EXOC4: variants seen among roughly 807,000 people sequenced by gnomAD.
EXOC4 encodes the protein exocyst complex component 4.
A neutral mutation model predicts 107.2 loss-of-function variants in EXOC4; 71 were observed. The ratio of observed to expected loss-of-function variants is 0.66; its 90% CI spans 0.55 to 0.81. EXOC4 has a LOEUF of 0.81. EXOC4 is among the 30% of genes least tolerant of loss of function. The pLI is 0.00. For synonymous variants in EXOC4, 456 were observed against 441.2 expected, an observed-to-expected ratio of 1.03 and a Z score of -0.42; for missense variants, 1,108 against 1,189.6, an observed-to-expected ratio of 0.93 and a Z score of 1.01.
At chr7:134,069,550 T>G (rs935033660), downstream of EXOC4, among the ~76,000 whole-genome samples, 2 of 152,078 alleles carry the variant, frequency 1.3e-5, no homozygotes, top group Non-Finnish European at 2.9e-5. Context: ...CCGGCTGGAG[T>G]GCATTGGCAC....
In EXOC4 at chr7:133,905,678, T is replaced by C. The variant is rs112066221; in HGVS notation, c.1871+9943T>C. The stretch of plus-strand genomic sequence containing the variant: ...GGGGATAAGGAGGCTCTCTGCCTTG[T>C]GTTGGGCCTGGCAGAGAATACAAAT... On this transcript the variant is annotated intron_variant, in intron 12 of 17. Transcript: ENST00000253861. Among the ~76,000 whole-genome samples, 369 of 152,304 alleles carry C rather than the reference T, an allele frequency of 2.4e-3. 1 individual carries two copies. Among genetic ancestry groups the C allele is most frequent in the South Asian group, 0.013 (63 of 4,822 alleles).
At chr7:133,652,328 C>G (rs529996119) in intron 10 of EXOC4, among the ~76,000 whole-genome samples, 2 of 152,176 alleles carry the variant, frequency 1.3e-5, no homozygotes, top group East Asian at 1.9e-4. Context: ...AAGTGAAATA[C>G]TGGTAAAATA....
chr7:133,835,434 G>A (rs139215484), intron 11 of EXOC4, among the ~76,000 whole-genome samples: 13 of 150,508 alleles, frequency 8.6e-5, no homozygotes, highest in East Asian at 1.9e-4. Flanking sequence ...GAAGTGGGAC[G>A]GGGCTTTGTG....
intron 3 of EXOC4, 88 bp from the exon 4 acceptor site, chr7:133,305,789 A>T: frequency 8.7e-7 from 1 of 1,154,016 alleles, no homozygotes; most frequent in Non-Finnish European, 1.2e-6. Flanking sequence ...TCCCTTTGTT[A>T]GTATCTTTTT....
At chr7:133,733,851 T>C (rs111642835) in intron 10 of EXOC4, among the ~76,000 whole-genome samples, 6 of 152,336 alleles carry the variant, frequency 3.9e-5, no homozygotes, top group African/African-American at 1.4e-4. Flanking sequence ...TCTATAGAAA[T>C]CTTAGGGTGA....
intron 1 of EXOC4, among the ~76,000 whole-genome samples, chr7:133,266,811 T>G (rs965574267): frequency 2.0e-5 from 3 of 152,202 alleles, no homozygotes; most frequent in African/African-American, 7.2e-5. Context: ...CTATATTAGG[T>G]CTTCCATGTT....
chr7:133,382,069 A>G (rs1796630994), intron 7 of EXOC4, among the ~76,000 whole-genome samples: 1 of 152,050 alleles, frequency 6.6e-6, no homozygotes, highest in Non-Finnish European at 1.5e-5. Context: ...GTGTGATGAG[A>G]TGAAGGAAGA....
At chr7:133,911,658 T>G (rs1311180847) in intron 12 of EXOC4, among the ~76,000 whole-genome samples, 1 of 152,182 alleles carries the variant, frequency 6.6e-6, no homozygotes, top group Non-Finnish European at 1.5e-5. Flanking sequence ...CTAACCTAAT[T>G]TTTTTATTTC....
intron 7 of EXOC4, among the ~76,000 whole-genome samples, chr7:133,445,946 G>T (rs566795994): frequency 2.0e-5 from 3 of 151,336 alleles, no homozygotes; most frequent in Non-Finnish European, 4.4e-5. Flanking sequence ...AGCCCAGAAG[G>T]TCGAGATTGT....
chr7:133,624,584 C>G (rs1310666090), intron 9 of EXOC4, among the ~76,000 whole-genome samples: 2 of 152,038 alleles, frequency 1.3e-5, no homozygotes. Context: ...CTGCATCTCT[C>G]TCTCTCTTTT....
rs1799117622 is a variant in EXOC4 at position 133,480,074 on chromosome 7, C to G, written c.1353C>G (p.Ile451Met). ...LFKFESSSHAISMSAYLREQR... is the reference protein window; with the variant it reads ...LFKFESSSHAMSMSAYLREQR... ...GGTTCGAATCGTCCTCCCATGCCAT[C>G]AGTATGAGCGCCTATCTGCGAGAAC... The change falls in exon 9 of 18, where the codon ATC (isoleucine) becomes ATG (methionine). Residue 451 changes from isoleucine to methionine, a missense_variant. Physicochemically the swap from Ile to Met is conservative, Grantham distance 10 (BLOSUM62 1). Transcript: ENST00000253861. 2 of 1,614,012 alleles carry G rather than the reference C, an allele frequency of 1.2e-6. No homozygotes were observed. The highest frequency in any genetic ancestry group is 2.7e-5 in the African/African-American group (2 of 75,052).
At chr7:133,605,785 G>A (rs1013600763) in intron 9 of EXOC4, among the ~76,000 whole-genome samples, 1 of 152,140 alleles carries the variant, frequency 6.6e-6, no homozygotes, top group African/African-American at 2.4e-5. Context: ...TTAGCATATA[G>A]ATGGTACTTA....
At chr7:133,519,472 T>C (rs1799942453) in intron 9 of EXOC4, among the ~76,000 whole-genome samples, 1 of 152,152 alleles carries the variant, frequency 6.6e-6, no homozygotes, top group Non-Finnish European at 1.5e-5. Context: ...GAAGACTATT[T>C]AATAAGAGAA....
At chr7:133,324,641 A>G (rs1054978035) in intron 5 of EXOC4, among the ~76,000 whole-genome samples, 1 of 152,146 alleles carries the variant, frequency 6.6e-6, no homozygotes, top group South Asian at 2.1e-4. Context: ...TATGGGGTCA[A>G]TTTTGGAATA....
chr7:134,072,671 A>AT, the EXOC4 span, among the ~76,000 whole-genome samples: 1 of 152,162 alleles, frequency 6.6e-6, no homozygotes, highest in Non-Finnish European at 1.5e-5. Context: ...AGGTGGTTTG[A>AT]TGTGGTTACA....
At chr7:134,003,445 A>T (rs1309199193) in intron 15 of EXOC4, among the ~76,000 whole-genome samples, 1 of 152,174 alleles carries the variant, frequency 6.6e-6, no homozygotes, top group Non-Finnish European at 1.5e-5. Flanking sequence ...TACTGTTTGT[A>T]AATTATTTCT....
At chr7:133,258,702 A>G (rs1795073131) in intron 1 of EXOC4, among the ~76,000 whole-genome samples, 1 of 152,168 alleles carries the variant, frequency 6.6e-6, no homozygotes, top group Non-Finnish European at 1.5e-5. Context: ...TTAATTTTCC[A>G]CCAGAAATAA....
At position 133,393,656 on chromosome 7, in the gene EXOC4, A is replaced by G. The variant is rs1796905256; in HGVS notation, c.1182+18654A>G. On this transcript the variant is annotated intron_variant, in intron 7 of 17. Transcript: ENST00000253861. The stretch of plus-strand genomic sequence containing the variant: ...AAAGAGGCCCCAGAGAGCTCCCTCG[A>G]CAGTTCTGCCACGTGGGGTTACAGC... Among the ~76,000 whole-genome samples the G allele has an allele frequency of 2.0e-5, 3 of 152,174 alleles. No individual in the cohort carries two copies. The South Asian group carries it at 6.2e-4, about 32-fold the overall frequency.
intron 14 of EXOC4, among the ~76,000 whole-genome samples, chr7:133,954,276 G>A (rs1800762651): frequency 6.6e-6 from 1 of 152,120 alleles, no homozygotes; most frequent in Non-Finnish European, 1.5e-5. Context: ...CTGGAAACTG[G>A]CAAAAGAACT....
Sources: gnomAD v4.1 joint callset for allele counts (sites outside exome capture counted in the v4.1 genomes callset) on GRCh38, gnomAD v4.1.1 for gene constraint, MANE v1.5 for transcripts, NCBI Gene and HGNC (gene_info 2026-07-23, HGNC 2026-07-21) for gene names.